CNTNAP2: variants seen among roughly 807,000 people sequenced by gnomAD.
The protein encoded by CNTNAP2 is contactin-associated protein-like 2.
Under a neutral mutation model 155.2 loss-of-function variants are expected in CNTNAP2, and 98 were observed. That is an observed-to-expected ratio of 0.63 (90% CI 0.54 to 0.75). CNTNAP2 has a LOEUF of 0.75. CNTNAP2 is among the 30% of genes least tolerant of loss of function. The pLI is 0.00. For missense variants in CNTNAP2, 1,727 were observed against 1,688.1 expected (o/e 1.02, Z -0.40); for synonymous variants, 651 against 631.2 (o/e 1.03, Z -0.47).
chr7:146,470,131 G>A (rs77668678), intron 1 of CNTNAP2, among the ~76,000 whole-genome samples: 2,794 of 152,176 alleles, frequency 0.018, 50 homozygotes, highest in African/African-American at 0.045. Context: ...GAGCCACTGC[G>A]CGCGGCCTTA....
chr7:146,224,150 C>T (rs936422167), intron 1 of CNTNAP2, among the ~76,000 whole-genome samples: 7 of 152,220 alleles, frequency 4.6e-5, no homozygotes, highest in Admixed American at 3.9e-4. Context: ...CAGCAGATGC[C>T]AATAAGTACA....
intron 12 of CNTNAP2, among the ~76,000 whole-genome samples, chr7:147,622,623 T>C (rs79351251): frequency 0.031 from 4,665 of 151,966 alleles, 231 homozygotes; most frequent in African/African-American, 0.11. Flanking sequence ...ATCTATGGGA[T>C]ACGATAAAAG....
intron 1 of CNTNAP2, among the ~76,000 whole-genome samples, chr7:146,705,749 C>A (rs1038923202): frequency 5.3e-5 from 8 of 152,002 alleles, no homozygotes; most frequent in Non-Finnish European, 1.2e-4. Context: ...TCTCATGAGA[C>A]TTATTTACCA....
intron 1 of CNTNAP2, among the ~76,000 whole-genome samples, chr7:146,154,267 G>T (rs1798092868): frequency 6.6e-6 from 1 of 152,100 alleles, no homozygotes; most frequent in Admixed American, 6.6e-5. Context: ...GCTCAAAAGG[G>T]TTGCTATATA....
intron 21 of CNTNAP2, among the ~76,000 whole-genome samples, chr7:148,339,831 C>G (rs940393547): frequency 6.6e-6 from 1 of 152,270 alleles, no homozygotes; most frequent in South Asian, 2.1e-4. Context: ...TTGATCTTCT[C>G]TCTGCAAGGT....
chr7:146,199,625 G>A (rs1317307976), intron 1 of CNTNAP2, among the ~76,000 whole-genome samples: 1 of 152,146 alleles, frequency 6.6e-6, no homozygotes, highest in South Asian at 2.1e-4. Context: ...TGTTTCAGCT[G>A]TAATAATTTA....
At chr7:147,678,483 T>C (rs1399419110) in intron 13 of CNTNAP2, among the ~76,000 whole-genome samples, 1 of 151,942 alleles carries the variant, frequency 6.6e-6, no homozygotes, top group Non-Finnish European at 1.5e-5. Flanking sequence ...TCTTTCAAGG[T>C]CTTGGCTTTG....
chr7:146,707,171 C>T (rs1424113947), intron 1 of CNTNAP2, among the ~76,000 whole-genome samples: 1 of 152,140 alleles, frequency 6.6e-6, no homozygotes, highest in Non-Finnish European at 1.5e-5. Flanking sequence ...TTTTCTATCA[C>T]AGCCATTTCA....
At chr7:148,381,021 AC>A (rs1385023902) in intron 21 of CNTNAP2, among the ~76,000 whole-genome samples, 12 of 152,214 alleles carry the variant, frequency 7.9e-5, no homozygotes, top group Non-Finnish European at 1.5e-4. Flanking sequence ...ACTCACTTGG[AC>A]CCACTGTGCT....
At chr7:146,975,002 A>G (rs1452344214) in intron 3 of CNTNAP2, among the ~76,000 whole-genome samples, 1 of 152,130 alleles carries the variant, frequency 6.6e-6, no homozygotes, top group Non-Finnish European at 1.5e-5. Flanking sequence ...ACAAGAATAG[A>G]CAGTATATTC....
intron 3 of CNTNAP2, among the ~76,000 whole-genome samples, chr7:146,878,370 G>A (rs1367738402): frequency 6.6e-6 from 1 of 150,982 alleles, no homozygotes; most frequent in South Asian, 2.1e-4. Context: ...CATTTTGCTA[G>A]TCACTTAGGA....
chr7:148,188,737 A>T (rs1795159788), intron 18 of CNTNAP2, among the ~76,000 whole-genome samples: 1 of 152,234 alleles, frequency 6.6e-6, no homozygotes, highest in Non-Finnish European at 1.5e-5. Flanking sequence ...AAATCAATTT[A>T]TATTATTATA....
At chr7:146,491,133 A>G (rs1486211418) in intron 1 of CNTNAP2, among the ~76,000 whole-genome samples, 1 of 152,206 alleles carries the variant, frequency 6.6e-6, no homozygotes, top group African/African-American at 2.4e-5. Flanking sequence ...AAACCCAAAG[A>G]TGAGAAATTA....
chr7:147,504,838 A>G (rs1798879340), intron 11 of CNTNAP2, among the ~76,000 whole-genome samples: 1 of 120,080 alleles, frequency 8.3e-6, no homozygotes, highest in Admixed American at 7.8e-5. Context: ...ATATATATAT[A>G]TGAATCAGAA....
chr7:146,762,158 T>G (rs547932953), intron 1 of CNTNAP2, among the ~76,000 whole-genome samples: 1 of 152,292 alleles, frequency 6.6e-6, no homozygotes, highest in Non-Finnish European at 1.5e-5. Context: ...GTGAGAGCCC[T>G]TATATAGAAA....
intron 15 of CNTNAP2, among the ~76,000 whole-genome samples, chr7:147,985,705 C>T (rs1167869234): frequency 6.6e-6 from 1 of 152,156 alleles, no homozygotes; most frequent in Non-Finnish European, 1.5e-5. Flanking sequence ...AAAACAAAAT[C>T]TAATTCACTT....
chr7:147,764,096 C>T (rs1475943758), intron 13 of CNTNAP2, among the ~76,000 whole-genome samples: 2 of 152,146 alleles, frequency 1.3e-5, no homozygotes, highest in Non-Finnish European at 2.9e-5. Context: ...CCCTTGTTCT[C>T]AAATCTCTAT....
chr7:147,334,646 A>G (rs1180081860), intron 9 of CNTNAP2, among the ~76,000 whole-genome samples: 2 of 152,228 alleles, frequency 1.3e-5, no homozygotes, highest in African/African-American at 4.8e-5. Context: ...GGAAAGGAAT[A>G]GCAGAGCACG....
At chr7:146,822,422 G>A (rs936767474) in intron 2 of CNTNAP2, among the ~76,000 whole-genome samples, 9 of 151,480 alleles carry the variant, frequency 5.9e-5, no homozygotes, top group African/African-American at 1.9e-4. Context: ...GTATACATAT[G>A]TAACAAACCT....
Sources: allele counts gnomAD v4.1 joint callset (sites outside exome capture counted in the v4.1 genomes callset), GRCh38; gene constraint gnomAD v4.1.1; transcripts MANE v1.5; gene names NCBI Gene and HGNC (gene_info 2026-07-23, HGNC 2026-07-21).